Variants in FRY observed in about 807,000 individuals in gnomAD.
The protein encoded by FRY is FRY microtubule binding protein, also known as protein furry homolog.
FRY carries 128 observed loss-of-function variants against 348.4 expected under a neutral mutation model. The observed-to-expected ratio is 0.37, with a 90% CI of 0.32 to 0.43. The LOEUF (loss-of-function observed/expected upper bound fraction) is 0.43. Among genes scored for constraint, FRY ranks in the 20% least tolerant of loss-of-function variants. The probability of loss-of-function intolerance (pLI) is 1.00; values close to 1 mark genes in which losing one functional copy is unlikely to be tolerated. For missense variants in FRY, 2,736 were observed against 3,695.2 expected (o/e 0.74, Z 6.73); for synonymous variants, 1,370 against 1,374.7 (o/e 1.00, Z 0.08).
intron 3 of FRY, among the ~76,000 whole-genome samples, chr13:32,111,077 T>A (rs991869188): frequency 2.0e-5 from 3 of 152,184 alleles, no homozygotes; most frequent in African/African-American, 7.2e-5. Context: ...CTCAGGAGAC[T>A]TCAAGGGAAA....
intron 1 of FRY, among the ~76,000 whole-genome samples, chr13:32,072,988 A>G (rs1436530150): frequency 2.0e-5 from 3 of 152,242 alleles, no homozygotes; most frequent in Admixed American, 6.5e-5. Flanking sequence ...TACTTTGAAT[A>G]TTTGGTTACC....
At position 32,173,410 on chromosome 13, in the gene FRY, G is replaced by A. The variant is rs1882204571; in HGVS notation, c.2195G>A (p.Gly732Asp). 6.2e-7 allele frequency: 1 copy of A among 1,612,312 alleles called. No homozygotes were observed. Among genetic ancestry groups the A allele is most frequent in the African/African-American group, 1.3e-5 (1 of 74,846 alleles). The change falls in exon 19 of 61, where the codon GGT (glycine) becomes GAT (aspartate). Residue 732 changes from glycine (G) to aspartate (D), a missense_variant. By Grantham distance (94) the Gly-to-Asp change is moderately conservative. Transcript: ENST00000542859. ...AGTCACAGAATTCAGTCGGAACGAG[G>A]TCCCCACTGCAGTGTACTCCACGCT... The part of the protein sequence containing the change: ...GSSHRIQSER[G>D]PHCSVLHAVE...
intron 7 of FRY, among the ~76,000 whole-genome samples, chr13:32,127,885 TC>T (rs1358882783): frequency 1.3e-5 from 2 of 152,176 alleles, no homozygotes; most frequent in Non-Finnish European, 2.9e-5. Context: ...GCAAATAACT[TC>T]CCTTTTTCTC....
intron 55 of FRY, among the ~76,000 whole-genome samples, chr13:32,270,968 G>A (rs927435098): frequency 3.3e-5 from 5 of 152,150 alleles, no homozygotes; most frequent in Non-Finnish European, 7.3e-5. Context: ...AGACCAGCGG[G>A]TTCATTACCA....
At chr13:32,214,782 G>A (rs1884887775) in intron 35 of FRY, among the ~76,000 whole-genome samples, 1 of 152,176 alleles carries the variant, frequency 6.6e-6, no homozygotes, top group Non-Finnish European at 1.5e-5. Context: ...TACAGAGACA[G>A]TGTTGTTCAG....
intron 2 of FRY, among the ~76,000 whole-genome samples, chr13:32,081,800 TG>T (rs1875514313): frequency 6.6e-6 from 1 of 152,230 alleles, no homozygotes; most frequent in Non-Finnish European, 1.5e-5. Flanking sequence ...AATGGGCATT[TG>T]GCATTTTGTC....
chr13:32,255,270 T>C (rs1331334406), intron 51 of FRY, among the ~76,000 whole-genome samples: 2 of 152,188 alleles, frequency 1.3e-5, no homozygotes, highest in Non-Finnish European at 2.9e-5. Context: ...GACTCTCTGC[T>C]AGTCCTACAA....
At chr13:32,166,554 A>G (rs1881749361) in intron 17 of FRY, among the ~76,000 whole-genome samples, 1 of 152,184 alleles carries the variant, frequency 6.6e-6, no homozygotes, top group Non-Finnish European at 1.5e-5. Context: ...TTCCCGCTTT[A>G]TAATGTAAAA....
In FRY at chr13:32,234,666, T is replaced by A. The variant is rs1291788144; in HGVS notation, c.5620T>A (p.Phe1874Ile). ...CTATGCTGGTCGGTCCTTCCAGATA[T>A]TCCGGGCCCTCAAGCAACCTCTGTC... is the stretch of plus-strand genomic sequence containing the variant. The part of the protein sequence containing the change: ...RHYAGRSFQI[F>I]RALKQPLSAH... The change falls in exon 42 of 61, where the codon TTC (phenylalanine) becomes ATC (isoleucine). Residue 1874 changes from phenylalanine (F) to isoleucine (I), a missense_variant. Coordinates refer to ENST00000542859, the MANE Select transcript of FRY (RefSeq NM_023037.3). The A allele has an allele frequency of 6.2e-7, 1 of 1,614,112 alleles. No homozygotes were observed. Among genetic ancestry groups the A allele is most frequent in the South Asian group, 1.1e-5 (1 of 91,080 alleles).
intron 35 of FRY, 134 bp downstream of exon 35, chr13:32,212,516 G>GACTT (rs1174856072): frequency 1.5e-5 from 10 of 672,850 alleles, no homozygotes; most frequent in Admixed American, 2.2e-5. Context: ...TAGAAACTCA[G>GACTT]ACTTACTTTC....
chr13:32,188,796 A>G lies in FRY; in HGVS notation c.3591+1140A>G, dbSNP rs569694042. On this transcript the variant is annotated intron_variant, in intron 28 of 60. Transcript: ENST00000542859. ...TCCTGTTACAATTCTTTGAAGATCT[A>G]TAGAATCTTAATTCCATTTGTTGAA... 2.5e-4 allele frequency among the ~76,000 whole-genome samples: 38 copies of G among 152,110 alleles called. 1 individual carries two copies. Among genetic ancestry groups the G allele is most frequent in the Non-Finnish European group, 3.2e-4 (22 of 67,978 alleles).
At chr13:32,238,050 A>G in intron 44 of FRY, 64 bp downstream of exon 44, 1 of 1,553,124 alleles carries the variant, frequency 6.4e-7, no homozygotes, top group Non-Finnish European at 8.8e-7. Context: ...ATTTGGTACA[A>G]TAAGATAATA....
rs1881178426 is a variant in FRY at position 32,157,396 on chromosome 13, A to G, written c.1775A>G (p.Asp592Gly). 6.2e-7 allele frequency: 1 copy of G among 1,613,524 alleles called. No homozygotes were observed. The highest frequency in any genetic ancestry group is 1.3e-5 in the African/African-American group (1 of 75,034). Reference protein sequence around the residue: ...NVQMLNKEPEDMITGERKPKI... With the variant: ...NVQMLNKEPEGMITGERKPKI... ...CAGATGTTAAACAAAGAACCGGAAG[A>G]CATGATCACGTGAGTACAGTAAAGA... The change falls in exon 16 of 61, where the codon GAC becomes GGC. Residue 592 changes from aspartate (D) to glycine (G), a missense_variant. Coordinates refer to ENST00000542859, the MANE Select transcript of FRY (RefSeq NM_023037.3).
rs372186855 is a variant in FRY, at chr13:32,249,608, G to A, written c.7091G>A (p.Arg2364Gln). The A allele has an allele frequency of 9.3e-6, 15 of 1,614,028 alleles. No homozygotes were observed. Among genetic ancestry groups the A allele is most frequent in the African/African-American group, 1.3e-5 (1 of 74,910 alleles). Residue 2364 changes from arginine to glutamine, a missense_variant, in exon 49 of 61, where the codon CGG (arginine) becomes CAG (glutamine). Physicochemically the swap from Arg to Gln is conservative, Grantham distance 43 (BLOSUM62 1). This residue lies in a region of FRY where 789 missense variants were observed against 996.2 expected (regional missense o/e 0.79). Coordinates refer to ENST00000542859, the MANE Select transcript of FRY (RefSeq NM_023037.3). Reference sequence around the variant, plus strand: ...AAGCCCAGGGCCATGGCCGTCACCCGGAGCACATCTTCCACTTCCTCAGGC... The same window carrying A: ...AAGCCCAGGGCCATGGCCGTCACCCAGAGCACATCTTCCACTTCCTCAGGC... The part of the protein sequence containing the change: ...DGKPRAMAVT[R>Q]STSSTSSGSN...
intron 1 of FRY, among the ~76,000 whole-genome samples, chr13:32,037,464 T>C (rs926749898): frequency 1.3e-5 from 2 of 152,198 alleles, no homozygotes; most frequent in African/African-American, 4.8e-5. Context: ...ATAATTCAGG[T>C]ATCTCATTTA....
At position 32,157,389 on chromosome 13, in the gene FRY, C is replaced by T; in HGVS notation, c.1768C>T (p.Pro590Ser). ...TAATGTACAGATGTTAAACAAAGAA[C>T]CGGAAGACATGATCACGTGAGTACA... ...LTNVQMLNKE[P>S]EDMITGERKP... The change falls in exon 16 of 61, where the codon CCG (proline) becomes TCG (serine). Residue 590 changes from proline (P) to serine (S), a missense_variant. Transcript: ENST00000542859. 3 of 1,613,410 alleles carry T rather than the reference C, an allele frequency of 1.9e-6. No homozygotes were observed. Among genetic ancestry groups the T allele is most frequent in the Non-Finnish European group, 2.5e-6 (3 of 1,179,550 alleles).
At chr13:32,050,012 C>T (rs148344869) in intron 1 of FRY, among the ~76,000 whole-genome samples, 247 of 152,296 alleles carry the variant, frequency 1.6e-3, no homozygotes, top group East Asian at 4.6e-3. Context: ...TCTCTCTTGA[C>T]GATACTCAAT....
chr13:32,186,347 T>C lies in FRY; in HGVS notation c.3407T>C (p.Ile1136Thr). 6.2e-7 allele frequency: 1 copy of C among 1,609,190 alleles called. No individual in the cohort carries two copies. The highest frequency in any genetic ancestry group is 8.5e-7 in the Non-Finnish European group (1 of 1,175,510). ...LFSQWAGPFS[I>T]MFTPLDRYSD... ...AGCCAGTGGGCAGGACCCTTCAGCA[T>C]TATGTTCACTCCTCTGGATCGTTAC... The change falls in exon 27 of 61, where the codon ATT becomes ACT. Residue 1136 changes from isoleucine (I) to threonine (T), a missense_variant. This residue lies in a region of FRY where 33 missense variants were observed against 86.7 expected (regional missense o/e 0.38). Coordinates refer to ENST00000542859, the MANE Select transcript of FRY (RefSeq NM_023037.3).
intron 17 of FRY, among the ~76,000 whole-genome samples, chr13:32,163,383 C>A (rs752449229): frequency 2.0e-5 from 3 of 152,130 alleles, no homozygotes; most frequent in Non-Finnish European, 2.9e-5. Flanking sequence ...CTGCATGATC[C>A]GGACAAATTA....
Sources: gnomAD v4.1 joint callset for allele counts (sites outside exome capture counted in the v4.1 genomes callset) on GRCh38, gnomAD v4.1.1 for gene constraint, gnomAD v4.1.1 regional missense constraint, MANE v1.5 for transcripts, NCBI Gene and HGNC (gene_info 2026-07-23, HGNC 2026-07-21) for gene names.